The following GK variants were observed in gnomAD, a reference collection of about 807,000 sequenced individuals.
GK encodes the protein ATP:glycerol 3-phosphotransferase.
Under a neutral mutation model 56.4 loss-of-function variants are expected in GK, and 9 were observed. That is an observed-to-expected ratio of 0.16 (90% CI 0.10 to 0.28). GK has a LOEUF of 0.28. Among genes scored for constraint, GK ranks in the 10% least tolerant of loss-of-function variants. The pLI, the probability that GK is intolerant of heterozygous loss-of-function variation, is 1.00. For missense variants in GK, 161 were observed against 431.4 expected (o/e 0.37, Z 5.55); for synonymous variants, 104 against 144.1 (o/e 0.72, Z 1.99).
chrX:30,675,578 G>A (rs1482404860), intron 3 of GK, among the ~76,000 whole-genome samples: 3 of 103,803 alleles, frequency 2.9e-5, no homozygotes, highest in South Asian at 4.5e-4. Context: ...GAGTGCAGTG[G>A]CACCATCAGA....
chrX:30,706,897 G>T (rs1936040311), intron 11 of GK, among the ~76,000 whole-genome samples: 1 of 112,001 alleles, frequency 8.9e-6, no homozygotes, highest in Non-Finnish European at 1.9e-5. Context: ...TGTCAGTCAT[G>T]ATGCTTCACT....
intron 9 of GK, chrX:30,700,209 A>G (rs1378267439): frequency 1.0e-5 from 4 of 394,954 alleles, no homozygotes; most frequent in African/African-American, 7.6e-5. Flanking sequence ...TTTTATGTTC[A>G]TTCTCCAGTG....
At chrX:30,663,923 GCT>G (rs765953215) in intron 1 of GK, among the ~76,000 whole-genome samples, 8 of 89,044 alleles carry the variant, frequency 9.0e-5, no homozygotes, top group South Asian at 4.8e-4. Flanking sequence ...TGAAAAACTT[GCT>G]CTCTCTCTCT....
intron 3 of GK, among the ~76,000 whole-genome samples, chrX:30,669,251 C>T (rs1601879442): frequency 1.9e-5 from 2 of 103,156 alleles, no homozygotes; most frequent in African/African-American, 7.2e-5. Flanking sequence ...GGCATGATCT[C>T]GGCTCACTGC....
chrX:30,672,958 T>A (rs139147397), intron 3 of GK, among the ~76,000 whole-genome samples: 5,285 of 112,251 alleles, frequency 0.047, 135 homozygotes, highest in Non-Finnish European at 0.068. Flanking sequence ...TAATTATATG[T>A]TATGATTTTA....
chrX:30,724,929 A>T (rs1937071684), intron 19 of GK, among the ~76,000 whole-genome samples: 1 of 109,327 alleles, frequency 9.1e-6, no homozygotes, highest in South Asian at 4.0e-4. Flanking sequence ...CACCCAGGCT[A>T]GAGTGCAGTG....
At chrX:30,673,791 A>G (rs1431858455) in intron 3 of GK, among the ~76,000 whole-genome samples, 2 of 112,106 alleles carry the variant, frequency 1.8e-5, no homozygotes, top group Admixed American at 9.5e-5. Context: ...CATGAGAGGC[A>G]TAGAATAGTG....
chrX:30,685,346 G>A (rs771855171), intron 4 of GK, among the ~76,000 whole-genome samples: 5 of 111,338 alleles, frequency 4.5e-5, no homozygotes, highest in Non-Finnish European at 9.4e-5. Context: ...TGTTAGCCAG[G>A]ATGGTCTCGA....
intron 19 of GK, among the ~76,000 whole-genome samples, chrX:30,725,575 T>C (rs1045095844): frequency 3.6e-5 from 4 of 112,224 alleles, no homozygotes; most frequent in Admixed American, 1.9e-4. Flanking sequence ...TTATAGGAAA[T>C]TGAGTTACAT....
chrX:30,681,500 T>C (rs1333756299), intron 4 of GK, among the ~76,000 whole-genome samples: 2 of 111,880 alleles, frequency 1.8e-5, no homozygotes, highest in African/African-American at 6.5e-5. Flanking sequence ...ATATTTGTAA[T>C]TGGACTTCCA....
chrX:30,696,144 CTCTGCGAGTAAGT>C lies in GK; in HGVS notation c.660_662+10del. 9.5e-7 allele frequency: 1 copy of C among 1,054,554 alleles called. No individual in the cohort carries two copies. Among genetic ancestry groups the C allele is most frequent in the Non-Finnish European group, 1.3e-6 (1 of 752,592 alleles). The allele number at this position is 1,054,554 out of a possible 1,213,427, so 86.9% of individuals were successfully genotyped here. A position where few individuals can be genotyped will look rare whatever the true frequency, so the allele number is the denominator to read the frequency against. On this transcript the variant is annotated splice_donor_variant and splice_donor_5th_base_variant and coding_sequence_variant and intron_variant, in exon 7 of 21. Transcript: ENST00000427190. LOFTEE classifies it high-confidence loss of function. ...TCATTCTTTGGAATGGGATAAACAA[CTCTGCGAGTAAGT>C]TCTGTTTTGCTCTAAATATAGTTTT...
Position 30,708,101 on chromosome X carries a change from T to C in GK, c.942T>C (p.Leu314=), listed in dbSNP as rs367704871. Residue 314 remains leucine, a synonymous_variant, in exon 13 of 21, where the codon CTT becomes CTC. Coordinates refer to ENST00000427190, the MANE Select transcript of GK (RefSeq NM_001205019.2). The stretch of plus-strand genomic sequence containing the variant: ...TTCTCACCACAGTGGCTTACAAACT[T>C]GGCAGAGACAAACCAGTATATTATG... ...HGLLTTVAYK[L]GRDKPVYYAL... is the part of the protein sequence containing the mutation. 2 of 1,158,068 alleles carry C rather than the reference T, an allele frequency of 1.7e-6. No homozygotes were observed. The highest frequency in any genetic ancestry group is 2.4e-6 in the Non-Finnish European group (2 of 847,670).
Position 30,700,916 on chromosome X carries a change from G to A in GK, c.851+11G>A. On this transcript the variant is annotated intron_variant, in intron 11 of 20. Coordinates refer to ENST00000427190, the MANE Select transcript of GK (RefSeq NM_001205019.2). ...ACAAGCCAAAAATACGTGAGTTTAA[G>A]AAACAGACTTAAAAACCAATGCTGT... is the stretch of plus-strand genomic sequence containing the variant. The A allele has an allele frequency of 8.9e-7, 1 of 1,126,730 alleles. No individual in the cohort carries two copies. The allele number at this position is 1,126,730 out of a possible 1,213,427, so 92.9% of individuals were successfully genotyped here.
intron 4 of GK, 38 bp downstream of exon 4, chrX:30,677,490 T>G (rs763569808): frequency 4.0e-6 from 3 of 754,264 alleles, no homozygotes; most frequent in Non-Finnish European, 6.3e-6. Context: ...GTAGGGCCTT[T>G]CTTCACATTG....
chrX:30,692,752 G>A (rs1036787394), intron 5 of GK, among the ~76,000 whole-genome samples: 5 of 109,242 alleles, frequency 4.6e-5, no homozygotes, highest in African/African-American at 6.7e-5. Context: ...GAGCCACCGC[G>A]CCCGGCCTCC....
chrX:30,654,648 G>A (rs974185966), intron 1 of GK, among the ~76,000 whole-genome samples: 1 of 110,862 alleles, frequency 9.0e-6, no homozygotes, highest in African/African-American at 3.3e-5. Context: ...ACTTGGACCC[G>A]GGAGGCGGAG....
chrX:30,657,705 T>C (rs1488557653), intron 1 of GK, among the ~76,000 whole-genome samples: 1 of 110,730 alleles, frequency 9.0e-6, no homozygotes, highest in East Asian at 2.8e-4. Context: ...GGTCACAGAG[T>C]AACTGGTGGA....
At chrX:30,701,453 A>G (rs1207418079) in intron 11 of GK, among the ~76,000 whole-genome samples, 1 of 112,158 alleles carries the variant, frequency 8.9e-6, no homozygotes, top group East Asian at 2.8e-4. Flanking sequence ...AAAATTCATT[A>G]CCTTTTATAT....
chrX:30,724,943 C>T (rs1021838991), intron 19 of GK, among the ~76,000 whole-genome samples: 1 of 109,186 alleles, frequency 9.2e-6, no homozygotes, highest in Non-Finnish European at 1.9e-5. Context: ...TGCAGTGGCA[C>T]AATCTTGGCC....
Sources: gnomAD v4.1 joint callset for allele counts (sites outside exome capture counted in the v4.1 genomes callset) on GRCh38, gnomAD v4.1.1 for gene constraint, MANE v1.5 for transcripts, NCBI Gene and HGNC (gene_info 2026-07-23, HGNC 2026-07-21) for gene names.